SPAG17: variants seen among roughly 807,000 people sequenced by gnomAD.
The protein encoded by SPAG17 is sperm associated antigen 17, also known as sperm-associated antigen 17.
A neutral mutation model predicts 273.6 loss-of-function variants in SPAG17; 169 were observed. The ratio of observed to expected loss-of-function variants is 0.62; its 90% CI spans 0.55 to 0.70. SPAG17 has a LOEUF of 0.70. Among genes scored for constraint, SPAG17 ranks in the 30% least tolerant of loss-of-function variants. The probability of loss-of-function intolerance (pLI) is 0.00; values close to 1 mark genes in which losing one functional copy is unlikely to be tolerated. For missense variants in SPAG17, 2,557 were observed against 2,627.8 expected, an observed-to-expected ratio of 0.97 and a Z score of 0.59; for synonymous variants, 825 against 873.2, an observed-to-expected ratio of 0.94 and a Z score of 0.97.
chr1:118,055,593 A>C, intron 19 of SPAG17, 140 bp downstream of exon 19: 1 of 658,958 alleles, frequency 1.5e-6, no homozygotes, highest in Non-Finnish European at 2.6e-6. Context: ...TACTCTATTT[A>C]CTAGAGAAAG....
chr1:118,146,560 TA>T (rs1659003477), intron 3 of SPAG17, among the ~76,000 whole-genome samples: 1 of 152,196 alleles, frequency 6.6e-6, no homozygotes, highest in Non-Finnish European at 1.5e-5. Context: ...TATTATACCA[TA>T]TAACTACAAA....
chr1:118,073,216 A>C (rs1347220799), intron 17 of SPAG17, among the ~76,000 whole-genome samples: 2 of 152,242 alleles, frequency 1.3e-5, no homozygotes, highest in African/African-American at 4.8e-5. Flanking sequence ...TGAGTGGTTA[A>C]GAGTACAAGT....
chr1:118,114,665 A>G (rs953419858), intron 4 of SPAG17, among the ~76,000 whole-genome samples: 11 of 152,318 alleles, frequency 7.2e-5, no homozygotes, highest in African/African-American at 2.4e-4. Flanking sequence ...ATTTTGGGTT[A>G]TGATGGTAGC....
chr1:118,169,084 T>C (rs532845518), intron 1 of SPAG17, among the ~76,000 whole-genome samples: 38 of 152,302 alleles, frequency 2.5e-4, no homozygotes, highest in African/African-American at 8.2e-4. Context: ...AACTAACATT[T>C]TCCTAGGATG....
intron 29 of SPAG17, among the ~76,000 whole-genome samples, chr1:118,014,496 G>T (rs929500656): frequency 6.6e-6 from 1 of 152,018 alleles, no homozygotes; most frequent in Admixed American, 6.6e-5. Context: ...AAAAAACCTC[G>T]GGAAACAAAT....
At chr1:118,005,700 T>C in intron 31 of SPAG17, 98 bp from the exon 32 acceptor site, 2 of 850,716 alleles carry the variant, frequency 2.4e-6, no homozygotes, top group Non-Finnish European at 3.3e-6. Flanking sequence ...CCATAGATCC[T>C]AGTCACAAAC....
intron 3 of SPAG17, among the ~76,000 whole-genome samples, chr1:118,121,537 G>A (rs1403556750): frequency 1.3e-5 from 2 of 152,160 alleles, no homozygotes; most frequent in Non-Finnish European, 2.9e-5. Context: ...TCATAGGAGT[G>A]TGGACCCTAT....
intron 26 of SPAG17, among the ~76,000 whole-genome samples, chr1:118,026,592 G>A (rs528227238): frequency 6.6e-6 from 1 of 152,052 alleles, no homozygotes; most frequent in South Asian, 2.1e-4. Context: ...TTTAAAATAG[G>A]CACTTTAATT....
intron 1 of SPAG17, 88 bp from the exon 2 acceptor site, chr1:118,151,457 T>G: frequency 7.8e-7 from 1 of 1,274,772 alleles, no homozygotes; most frequent in East Asian, 2.6e-5. Flanking sequence ...CAGAATAATT[T>G]TCCTGTAAAT....
At chr1:118,161,496 T>C (rs1323951498) in intron 1 of SPAG17, among the ~76,000 whole-genome samples, 1 of 152,164 alleles carries the variant, frequency 6.6e-6, no homozygotes, top group Non-Finnish European at 1.5e-5. Context: ...GTAACTTTCT[T>C]TAGAGTTTCA....
Position 117,973,365 on chromosome 1 carries a change from A to G in SPAG17, c.6141+60T>C, listed in dbSNP as rs1382027249. 34 of 1,500,282 alleles carry G rather than the reference A, an allele frequency of 2.3e-5. 1 individual carries two copies. In the South Asian group the frequency reaches 4.0e-4, roughly 18 times the overall value. The allele number at this position is 1,500,282 out of a possible 1,614,324, so 92.9% of individuals were successfully genotyped here. On this transcript the variant is annotated intron_variant, in intron 44 of 48. Coordinates refer to ENST00000336338, the MANE Select transcript of SPAG17 (RefSeq NM_206996.4). ...GGAGCAGGATTGAAAAAAATAAAAAATAAAGAATTCCATCAAATGCTGATT... is the reference window on the plus strand; with the variant it reads ...GGAGCAGGATTGAAAAAAATAAAAAGTAAAGAATTCCATCAAATGCTGATT...
At chr1:117,977,318 C>G (rs1337287161) in intron 43 of SPAG17, among the ~76,000 whole-genome samples, 3 of 152,010 alleles carry the variant, frequency 2.0e-5, no homozygotes, top group Non-Finnish European at 2.9e-5. Context: ...AAGACTCCCT[C>G]TCAAAAAAAG....
chr1:118,055,858 G>A lies in SPAG17; in HGVS notation c.2597C>T (p.Ala866Val). 6.2e-7 allele frequency: 1 copy of A among 1,612,076 alleles called. No homozygotes were observed. The highest frequency in any genetic ancestry group is 8.5e-7 in the Non-Finnish European group (1 of 1,179,256). Residue 866 changes from alanine (A) to valine (V), a missense_variant, in exon 19 of 49, where the codon GCT (alanine) becomes GTT (valine). By Grantham distance (64) the Ala-to-Val change is moderately conservative. Transcript: ENST00000336338. The part of the protein sequence containing the change: ...SIQDWITKEE[A>V]IYQESKMNEK... The stretch of plus-strand genomic sequence containing the variant: ...ATTCATTTTAGATTCCTGATATATA[G>A]CTTCTTCTTTTGTAATCCAATCTTG...
intron 3 of SPAG17, among the ~76,000 whole-genome samples, chr1:118,132,982 A>G (rs920293289): frequency 6.6e-6 from 1 of 152,104 alleles, no homozygotes; most frequent in Non-Finnish European, 1.5e-5. Flanking sequence ...TATGTTGGCC[A>G]GGATGGTCTC....
chr1:118,008,211 G>T lies in SPAG17; in HGVS notation c.4433-13C>A. 6.2e-7 allele frequency: 1 copy of T among 1,613,132 alleles called. No individual in the cohort carries two copies. Among genetic ancestry groups the T allele is most frequent in the Non-Finnish European group, 8.5e-7 (1 of 1,179,702 alleles). Reference sequence around the variant, plus strand: ...CGAGGACCCTCGGCTACAAGCAAATGCAAGGTAAGCAGATCTGATAGGATG... The same window carrying T: ...CGAGGACCCTCGGCTACAAGCAAATTCAAGGTAAGCAGATCTGATAGGATG... On this transcript the variant is annotated splice_polypyrimidine_tract_variant and intron_variant, in intron 30 of 48. Coordinates refer to ENST00000336338, the MANE Select transcript of SPAG17 (RefSeq NM_206996.4).
At chr1:118,147,808 T>C (rs1270358021) in intron 3 of SPAG17, among the ~76,000 whole-genome samples, 2 of 152,180 alleles carry the variant, frequency 1.3e-5, no homozygotes, top group East Asian at 1.9e-4. Context: ...ACATTTGGAG[T>C]CATTATTGGA....
chr1:118,031,568 G>A (rs534316609), intron 25 of SPAG17, 124 bp downstream of exon 25: 63 of 1,054,962 alleles, frequency 6.0e-5, no homozygotes, highest in Middle Eastern at 2.3e-4. Context: ...TACAAGGGAC[G>A]TTAATGTATC....
At position 117,971,827 on chromosome 1, in the gene SPAG17, G is replaced by A. The variant is rs769165869; in HGVS notation, c.6326+36C>T. ...AAAGACAAGTCACAGGGTAGGGAAA[G>A]GTAACCTGAGCAGACCTTTGGTCCC... On this transcript the variant is annotated intron_variant, in intron 45 of 48. Coordinates refer to ENST00000336338, the MANE Select transcript of SPAG17 (RefSeq NM_206996.4). 3.9e-5 allele frequency: 61 copies of A among 1,569,110 alleles called. No individual in the cohort carries two copies. The South Asian group carries it at 6.8e-4, about 17-fold the overall frequency.
At chr1:118,133,161 T>C (rs1158434172) in intron 3 of SPAG17, among the ~76,000 whole-genome samples, 1 of 152,102 alleles carries the variant, frequency 6.6e-6, no homozygotes, top group African/African-American at 2.4e-5. Flanking sequence ...AAGGCATGAA[T>C]ATCCTCCAGC....
Sources: allele counts gnomAD v4.1 joint callset (sites outside exome capture counted in the v4.1 genomes callset), GRCh38; gene constraint gnomAD v4.1.1; transcripts MANE v1.5; gene names NCBI Gene and HGNC (gene_info 2026-07-23, HGNC 2026-07-21).